PPP2R2B: variants seen among roughly 807,000 people sequenced by gnomAD.
PPP2R2B encodes the protein serine/threonine-protein phosphatase 2A 55 kDa regulatory subunit B beta isoform.
Under a neutral mutation model 46.0 loss-of-function variants are expected in PPP2R2B, and 5 were observed. The observed-to-expected ratio is 0.11, with a 90% CI of 0.06 to 0.23. PPP2R2B has a LOEUF of 0.23. PPP2R2B is among the 10% of genes least tolerant of loss of function. PPP2R2B has a pLI of 1.00. For missense variants in PPP2R2B, 367 were observed against 575.0 expected (o/e 0.64, Z 3.70); for synonymous variants, 215 against 206.7 (o/e 1.04, Z -0.34).
chr5:146,658,192 G>A (rs1031619665), intron 5 of PPP2R2B, among the ~76,000 whole-genome samples: 3 of 152,134 alleles, frequency 2.0e-5, no homozygotes, highest in Non-Finnish European at 2.9e-5. Flanking sequence ...CTAGGTATAC[G>A]GAAACCCTGA....
At chr5:146,600,887 T>C (rs1771716771) in intron 7 of PPP2R2B, among the ~76,000 whole-genome samples, 1 of 152,214 alleles carries the variant, frequency 6.6e-6, no homozygotes, top group African/African-American at 2.4e-5. Flanking sequence ...ATCATTGCTA[T>C]AATCTAAATT....
At chr5:146,768,540 C>T (rs1334939027) in intron 2 of PPP2R2B, among the ~76,000 whole-genome samples, 1 of 152,188 alleles carries the variant, frequency 6.6e-6, no homozygotes, top group Non-Finnish European at 1.5e-5. Context: ...TCTCCATTCA[C>T]CTCCTGCTTA....
At chr5:146,758,465 A>T (rs79220749) in intron 2 of PPP2R2B, among the ~76,000 whole-genome samples, 174 of 152,326 alleles carry the variant, frequency 1.1e-3, no homozygotes, top group Non-Finnish European at 2.1e-3. Flanking sequence ...AATAAAATAC[A>T]AATACGGCAC....
chr5:146,678,672 G>A (rs1374159909), intron 5 of PPP2R2B, among the ~76,000 whole-genome samples: 1 of 148,732 alleles, frequency 6.7e-6, no homozygotes, highest in Non-Finnish European at 1.5e-5. Context: ...ATCTCCTTAA[G>A]CTGATAAGCA....
intron 1 of PPP2R2B, among the ~76,000 whole-genome samples, chr5:146,982,597 G>A (rs1241338631): frequency 6.6e-6 from 1 of 152,092 alleles, no homozygotes; most frequent in African/African-American, 2.4e-5. Context: ...GATGTTCTCT[G>A]TCTAGTTGTC....
chr5:146,868,245 G>T (rs1228752902), intron 2 of PPP2R2B, among the ~76,000 whole-genome samples: 1 of 152,234 alleles, frequency 6.6e-6, no homozygotes, highest in African/African-American at 2.4e-5. Context: ...AGACAGACTG[G>T]CTCCTCCATC....
intron 7 of PPP2R2B, among the ~76,000 whole-genome samples, chr5:146,608,777 T>C (rs960102842): frequency 2.0e-5 from 3 of 151,924 alleles, no homozygotes; most frequent in Non-Finnish European, 4.4e-5. Context: ...AGAGTAAGAC[T>C]CTGTCTCAAA....
chr5:146,700,955 G>A (rs1779498710), intron 3 of PPP2R2B, 90 bp downstream of exon 3: 6 of 1,203,736 alleles, frequency 5.0e-6, no homozygotes, highest in Non-Finnish European at 7.4e-6. Context: ...AAGCAGCAAG[G>A]TTAAGGGCGA....
At chr5:146,642,100 T>C (rs1775261904) in intron 6 of PPP2R2B, among the ~76,000 whole-genome samples, 1 of 152,182 alleles carries the variant, frequency 6.6e-6, no homozygotes, top group African/African-American at 2.4e-5. Context: ...TTAATCTGGC[T>C]CTCTGCTGGG....
chr5:147,037,698 G>A (rs1756108453), intron 1 of PPP2R2B, among the ~76,000 whole-genome samples: 1 of 152,144 alleles, frequency 6.6e-6, no homozygotes, highest in Admixed American at 6.5e-5. Context: ...AGTGGTGTGA[G>A]GAGGGATGAG....
chr5:146,936,362 C>G (rs1354597265), intron 1 of PPP2R2B, among the ~76,000 whole-genome samples: 1 of 151,948 alleles, frequency 6.6e-6, no homozygotes, highest in Non-Finnish European at 1.5e-5. Flanking sequence ...TCCCACTCCC[C>G]CTCTGAGTGG....
At chr5:146,770,736 A>T (rs1157629991) in intron 2 of PPP2R2B, among the ~76,000 whole-genome samples, 2 of 152,218 alleles carry the variant, frequency 1.3e-5, no homozygotes, top group African/African-American at 4.8e-5. Context: ...CTGAGTTGGG[A>T]CTTGAGAATG....
intron 2 of PPP2R2B, among the ~76,000 whole-genome samples, chr5:146,871,984 C>T (rs550144573): frequency 7.2e-5 from 11 of 152,256 alleles, no homozygotes; most frequent in South Asian, 2.1e-4. Context: ...ACAGTACTCG[C>T]GATACCTTAG....
chr5:147,079,248 A>G (rs1306025399), intron 2 of PPP2R2B, among the ~76,000 whole-genome samples: 1 of 151,318 alleles, frequency 6.6e-6, no homozygotes, highest in Non-Finnish European at 1.5e-5. Context: ...TAAAATCAGT[A>G]CATAGAAGAG....
At chr5:146,798,709 G>A (rs1302516065) in intron 2 of PPP2R2B, among the ~76,000 whole-genome samples, 2 of 152,182 alleles carry the variant, frequency 1.3e-5, no homozygotes, top group South Asian at 2.1e-4. Flanking sequence ...GGCACATAGC[G>A]AGATGCTTTG....
intron 1 of PPP2R2B, among the ~76,000 whole-genome samples, chr5:147,007,316 G>A (rs562395254): frequency 2.5e-4 from 38 of 152,224 alleles, no homozygotes; most frequent in African/African-American, 8.9e-4. Flanking sequence ...CTGGGCTTCT[G>A]GGTCAGGTGG....
rs538767534 is a variant in PPP2R2B at position 146,752,190 on chromosome 5, C to T, written c.71-51048G>A. Among the ~76,000 whole-genome samples the T allele has an allele frequency of 3.1e-3, 478 of 152,134 alleles. 2 individuals are homozygous for T. The highest frequency in any genetic ancestry group is 0.01 in the African/African-American group (418 of 41,516). ...TGGGGAGAGGCTGATCAGCTTGAGA[C>T]GCTGTCAAGGTAGAGATACTGTAGG... On this transcript the variant is annotated intron_variant, in intron 2 of 9. Coordinates refer to ENST00000394411, the MANE Select transcript of PPP2R2B (RefSeq NM_181675.4).
intron 5 of PPP2R2B, among the ~76,000 whole-genome samples, chr5:146,666,055 TGTTA>T (rs1220494071): frequency 2.0e-5 from 3 of 152,226 alleles, no homozygotes; most frequent in Non-Finnish European, 4.4e-5. Flanking sequence ...ATTGTAGCAT[TGTTA>T]GTTATAGCAA....
chr5:146,863,681 C>T (rs1761141560), intron 2 of PPP2R2B, among the ~76,000 whole-genome samples: 2 of 151,714 alleles, frequency 1.3e-5, no homozygotes, highest in South Asian at 4.2e-4. Flanking sequence ...TCCATCCATC[C>T]ATCCTTTAAA....
Sources: gnomAD v4.1 joint callset for allele counts (sites outside exome capture counted in the v4.1 genomes callset) on GRCh38, gnomAD v4.1.1 for gene constraint, MANE v1.5 for transcripts, NCBI Gene and HGNC (gene_info 2026-07-23, HGNC 2026-07-21) for gene names.